The following GPRIN1 variants were observed in gnomAD, a reference collection of about 807,000 sequenced individuals.
GPRIN1 encodes the protein G protein regulated inducer of neurite outgrowth 1.
Under a neutral mutation model 2.8 loss-of-function variants are expected in GPRIN1, and 4 were observed. The ratio of observed to expected loss-of-function variants is 1.45; its 90% confidence interval spans 0.71 to 3.32. The LOEUF (loss-of-function observed/expected upper bound fraction) is 3.32. Among genes scored for constraint, GPRIN1 ranks in the 30% most tolerant of loss-of-function variants. The probability of loss-of-function intolerance (pLI) is 0.01; values close to 1 mark genes in which losing one functional copy is unlikely to be tolerated. For missense variants in GPRIN1, 1,322 were observed against 1,343.4 expected, an observed-to-expected ratio of 0.98 and a Z score of 0.25; for synonymous variants, 589 against 589.9, an observed-to-expected ratio of 1.00 and a Z score of 0.02.
At chr5:176,607,391 C>A (rs755483628) in intron 1 of GPRIN1, among the ~76,000 whole-genome samples, 1 of 152,184 alleles carries the variant, frequency 6.6e-6, no homozygotes, top group Non-Finnish European at 1.5e-5. Context: ...TTGCCTAGGC[C>A]GGAGTGCAGT....
intron 1 of GPRIN1, among the ~76,000 whole-genome samples, chr5:176,607,932 TTTTTTTTTC>T (rs1323381604): frequency 8.8e-5 from 8 of 91,046 alleles, no homozygotes; most frequent in Middle Eastern, 6.1e-3. Flanking sequence ...TTTTTTTTTT[TTTTTTTTTC>T]TGAAGACAGG....
At chr5:176,601,470 A>T (rs1759147346) in intron 1 of GPRIN1, among the ~76,000 whole-genome samples, 1 of 152,204 alleles carries the variant, frequency 6.6e-6, no homozygotes, top group African/African-American at 2.4e-5. Context: ...ACAGGTACCA[A>T]CAGGCTGTAC....
At position 176,599,127 on chromosome 5, in the gene GPRIN1, C is replaced by T. The variant is rs373697082; in HGVS notation, c.708G>A (p.Gly236=). 6.3e-5 allele frequency: 54 copies of T among 860,220 alleles called. No homozygotes were observed. The African/African-American group carries it at 1.3e-3, about 20-fold the overall frequency. 53.3% of individuals were successfully genotyped at this position (860,220 alleles called of 1,614,324 possible). A position where few individuals can be genotyped will look rare whatever the true frequency, so the allele number is the denominator to read the frequency against. ...YTVSPRKEDP[G]SLRKVDPVSS... is the part of the protein sequence containing the mutation. ...ACACAGGATCCACCTTTCTCAAAGA[C>T]CCAGGATCCTCCTTCCTCGGTGACA... The change falls in exon 2 of 2, where the codon GGG becomes GGA. Residue 236 remains glycine (G), a synonymous_variant. Coordinates refer to ENST00000303991, the MANE Select transcript of GPRIN1 (RefSeq NM_052899.3).
rs761331842 is a variant in GPRIN1 at position 176,599,196 on chromosome 5, G to A, written c.639C>T (p.Ser213=). The A allele has an allele frequency of 1.2e-6, 2 of 1,613,678 alleles. No individual in the cohort carries two copies. Among genetic ancestry groups the A allele is most frequent in the Non-Finnish European group, 1.7e-6 (2 of 1,179,938 alleles). The change falls in exon 2 of 2, where the codon TCC becomes TCT. Residue 213 remains serine (S), a synonymous_variant. Coordinates refer to ENST00000303991, the MANE Select transcript of GPRIN1 (RefSeq NM_052899.3). The stretch of plus-strand genomic sequence containing the variant: ...AGCACAAAGGATCTACTTTTCCCAG[G>A]GATCCAAGATCTTCCTTTCTTACAG... The part of the protein sequence containing the change: ...PMTVRKEDLG[S]LGKVDPLCSS...
In GPRIN1 at chr5:176,599,771, G is replaced by T. The variant is rs1325156831; in HGVS notation, c.64C>A (p.Pro22Thr). ...GGGCAGAAGAAGGCTGTGGGTCGGG[G>T]TCCTGGGGGGCTGGAATCCTTTTGA... ...LLQKDSSPPGPRPTAFFCPQD... is the reference protein window; with the variant it reads ...LLQKDSSPPGTRPTAFFCPQD... Residue 22 changes from proline to threonine, a missense_variant, in exon 2 of 2, where the codon CCC becomes ACC. Around this residue, in one of 3 missense-constraint regions of GPRIN1, gnomAD observed 1,117 missense variants for 1,128.6 expected, o/e 0.99. Coordinates refer to ENST00000303991, the MANE Select transcript of GPRIN1 (RefSeq NM_052899.3). 6.6e-7 allele frequency: 1 copy of T among 1,516,656 alleles called. No individual in the cohort carries two copies. The highest frequency in any genetic ancestry group is 8.8e-7 in the Non-Finnish European group (1 of 1,131,752). The allele number at this position is 1,516,656 out of a possible 1,614,324, so 93.9% of individuals were successfully genotyped here. A position where few individuals can be genotyped will look rare whatever the true frequency, so the allele number is the denominator to read the frequency against.
At chr5:176,609,163 G>A (rs1759271130) in intron 1 of GPRIN1, among the ~76,000 whole-genome samples, 1 of 152,226 alleles carries the variant, frequency 6.6e-6, no homozygotes, top group Non-Finnish European at 1.5e-5. Context: ...GTGTGTAAGA[G>A]GGAGTGTGTG....
rs746094782 is a variant in GPRIN1, at chr5:176,595,997, C to T, written c.*811G>A. The stretch of plus-strand genomic sequence containing the variant: ...TGAGCTCTCTGTCCTGTCCCCAATA[C>T]CCAAGAACACCGGTCACCCAGGATG... On this transcript the variant is annotated 3_prime_UTR_variant, in exon 2 of 2. Coordinates refer to ENST00000303991, the MANE Select transcript of GPRIN1 (RefSeq NM_052899.3). The T allele has an allele frequency of 6.4e-4, 132 of 206,042 alleles. No homozygotes were observed. Among genetic ancestry groups the T allele is most frequent in the Non-Finnish European group, 9.1e-4 (95 of 104,180 alleles). 12.8% of individuals were successfully genotyped at this position (206,042 alleles called of 1,614,324 possible).
At position 176,602,844 on chromosome 5, in the gene GPRIN1, A is replaced by T. The variant is rs1759167776; in HGVS notation, c.-43-2967T>A. Among the ~76,000 whole-genome samples the T allele has an allele frequency of 6.6e-6, 1 of 152,130 alleles. No individual in the cohort carries two copies. Among genetic ancestry groups the T allele is most frequent in the Admixed American group, 6.5e-5 (1 of 15,272 alleles). ...GGTAATGAGGGAAAGCACCCAAGATAAATTAATTGAAAAAGGCCAGGGGAC... is the reference window on the plus strand; with the variant it reads ...GGTAATGAGGGAAAGCACCCAAGATTAATTAATTGAAAAAGGCCAGGGGAC... On this transcript the variant is annotated intron_variant, in intron 1 of 1. Coordinates refer to ENST00000303991, the MANE Select transcript of GPRIN1 (RefSeq NM_052899.3). This position sits in a 1 kb window ranked among gnomAD's most constrained non-coding sequence, Gnocchi z 4.4.
At position 176,602,751 on chromosome 5, in the gene GPRIN1, CGGGGAGGCA is replaced by C. The variant is rs1759165241; in HGVS notation, c.-43-2883_-43-2875del. 6.6e-6 allele frequency among the ~76,000 whole-genome samples: 1 copy of C among 152,020 alleles called. No individual in the cohort carries two copies. Among genetic ancestry groups the C allele is most frequent in the Non-Finnish European group, 1.5e-5 (1 of 68,000 alleles). On this transcript the variant is annotated intron_variant, in intron 1 of 1. Coordinates refer to ENST00000303991, the MANE Select transcript of GPRIN1 (RefSeq NM_052899.3). This position sits in a 1 kb window ranked among gnomAD's most constrained non-coding sequence, Gnocchi z 4.4. ...GGCATGGCTAGTGATGAGAACAAGA[CGGGGAGGCA>C]GGTTCTGTGAACTGTGGGACAACCA...
chr5:176,598,298 G>T lies in GPRIN1; in HGVS notation c.1537C>A (p.Pro513Thr), dbSNP rs762347711. 7.4e-6 allele frequency: 12 copies of T among 1,613,776 alleles called. No homozygotes were observed. The highest frequency in any genetic ancestry group is 8.5e-6 in the Non-Finnish European group (10 of 1,179,892). ...GGATCTCCTTTTCCCCCCGTCGCTG[G>T]CTCAGCCTTTACTGCAGATGGGGGA... ...AGPPSAVKAEPATGGKGDPLS... is the reference protein window; with the variant it reads ...AGPPSAVKAETATGGKGDPLS... The change falls in exon 2 of 2, where the codon CCA becomes ACA. Residue 513 changes from proline to threonine, a missense_variant. Pro to Thr is a conservative substitution (Grantham distance 38). This residue lies in a region of GPRIN1 where 1,117 missense variants were observed against 1,128.6 expected (regional missense o/e 0.99). Coordinates refer to ENST00000303991, the MANE Select transcript of GPRIN1 (RefSeq NM_052899.3).
At position 176,595,849 on chromosome 5, in the gene GPRIN1, A is replaced by C; in HGVS notation, c.*959T>G. 1.7e-6 allele frequency: 1 copy of C among 593,968 alleles called. No homozygotes were observed. The highest frequency in any genetic ancestry group is 3.7e-5 in the South Asian group (1 of 27,382). The allele number at this position is 593,968 out of a possible 1,614,324, so 36.8% of individuals were successfully genotyped here. A position where few individuals can be genotyped will look rare whatever the true frequency, so the allele number is the denominator to read the frequency against. The stretch of plus-strand genomic sequence containing the variant: ...ATGTATACTGTGACAGTTTGTAGCC[A>C]AAAACTGCGGCTGGAGGGGTGGGGA... On this transcript the variant is annotated 3_prime_UTR_variant, in exon 2 of 2. Coordinates refer to ENST00000303991, the MANE Select transcript of GPRIN1 (RefSeq NM_052899.3).
chr5:176,599,239 C>A lies in GPRIN1; in HGVS notation c.596G>T (p.Gly199Val). 1 of 1,613,890 alleles carries A rather than the reference C, an allele frequency of 6.2e-7. No individual in the cohort carries two copies. Among genetic ancestry groups the A allele is most frequent in the Non-Finnish European group, 8.5e-7 (1 of 1,180,002 alleles). The change falls in exon 2 of 2, where the codon GGA becomes GTA. Residue 199 changes from glycine to valine, a missense_variant. By Grantham distance (109) the Gly-to-Val change is moderately radical (BLOSUM62 -3). Around this residue, in one of 3 missense-constraint regions of GPRIN1, gnomAD observed 1,117 missense variants for 1,128.6 expected, o/e 0.99. Transcript: ENST00000303991. ...TCTTACAGTCATGGGATCCATCCTT[C>A]CAGGAGCCACAGGATCCCCCTTTCC... ...ILGKGDPVAP[G>V]RMDPMTVRKE...
chr5:176,606,620 G>A (rs1158921483), intron 1 of GPRIN1, among the ~76,000 whole-genome samples: 1 of 152,100 alleles, frequency 6.6e-6, no homozygotes, highest in South Asian at 2.1e-4. Context: ...TCTTCCCCAC[G>A]GTGTCCTAGA....
intron 1 of GPRIN1, among the ~76,000 whole-genome samples, chr5:176,603,172 C>T (rs1759172498): frequency 6.6e-6 from 1 of 152,122 alleles, no homozygotes; most frequent in Non-Finnish European, 1.5e-5. Flanking sequence ...CTCCTAAGCC[C>T]CTATGTTTCT....
chr5:176,605,480 G>C (rs866606373), intron 1 of GPRIN1, among the ~76,000 whole-genome samples: 4 of 152,162 alleles, frequency 2.6e-5, no homozygotes, highest in Non-Finnish European at 5.9e-5. Context: ...GGAAAAGGAC[G>C]TTATAAGCCA....
chr5:176,607,545 T>C (rs1234087424), intron 1 of GPRIN1, among the ~76,000 whole-genome samples: 1 of 152,190 alleles, frequency 6.6e-6, no homozygotes, highest in Non-Finnish European at 1.5e-5. Flanking sequence ...GGTTTCACCA[T>C]GTTGTTTAGG....
At position 176,610,072 on chromosome 5, in the gene GPRIN1, G is replaced by A. The variant is rs1272523409; in HGVS notation, c.-117C>T. ...CGCCGCCGCCGCCGCCGCCGCCCGA[G>A]CGGCCTCGGCTGCCTCCGGCCGGGC... On this transcript the variant is annotated 5_prime_UTR_variant, in exon 1 of 2. Coordinates refer to ENST00000303991, the MANE Select transcript of GPRIN1 (RefSeq NM_052899.3). The A allele has an allele frequency of 4.7e-5, 7 of 149,332 alleles. No individual in the cohort carries two copies. The highest frequency in any genetic ancestry group is 1.0e-4 in the Non-Finnish European group (7 of 67,460). 9.3% of individuals were successfully genotyped at this position (149,332 alleles called of 1,614,324 possible). A position where few individuals can be genotyped will look rare whatever the true frequency, so the allele number is the denominator to read the frequency against.
chr5:176,604,158 C>G (rs956846730), intron 1 of GPRIN1, among the ~76,000 whole-genome samples: 6 of 152,146 alleles, frequency 3.9e-5, no homozygotes, highest in African/African-American at 1.4e-4. Context: ...AAACAAGTGG[C>G]AAATAAATCA....
chr5:176,601,775 C>A lies in GPRIN1; in HGVS notation c.-43-1898G>T, dbSNP rs1759151843. Among the ~76,000 whole-genome samples, 3 of 152,124 alleles carry A rather than the reference C, an allele frequency of 2.0e-5. No individual in the cohort carries two copies. In the South Asian group the frequency reaches 6.2e-4, roughly 32 times the overall value. ...CCTAATCACCCTTGACTTTCACACC[C>A]CACGTCTATCAGCAAAACATAATGG... On this transcript the variant is annotated intron_variant, in intron 1 of 1. Transcript: ENST00000303991.
Sources: allele counts gnomAD v4.1 joint callset (sites outside exome capture counted in the v4.1 genomes callset), GRCh38; gene constraint gnomAD v4.1.1; regional missense constraint gnomAD v4.1.1; non-coding constraint Gnocchi (gnomAD v3.1); transcripts MANE v1.5; gene names NCBI Gene and HGNC (gene_info 2026-07-23, HGNC 2026-07-21).